Variants in FANCC observed in about 807,000 individuals in gnomAD.
The protein encoded by FANCC is FA complementation group C.
A neutral mutation model predicts 71.3 loss-of-function variants in FANCC; 55 were observed. The observed-to-expected ratio is 0.77, with a 90% CI of 0.62 to 0.97. The LOEUF (loss-of-function observed/expected upper bound fraction) is 0.97, where lower values mean the gene tolerates loss of function less well. Among genes scored for constraint, FANCC ranks in the 50% least tolerant of loss-of-function variants. FANCC has a pLI of 0.00. For missense variants in FANCC, 678 were observed against 670.9 expected (o/e 1.01, Z -0.12); for synonymous variants, 275 against 244.9 (o/e 1.12, Z -1.15).
chr9:95,219,584 A>G (rs941717933), intron 4 of FANCC, among the ~76,000 whole-genome samples: 2 of 152,144 alleles, frequency 1.3e-5, no homozygotes, highest in African/African-American at 4.8e-5. Flanking sequence ...AAAGAAATAC[A>G]GGTTTGACCT....
intron 7 of FANCC, among the ~76,000 whole-genome samples, chr9:95,139,885 T>G (rs1828365526): frequency 6.7e-6 from 1 of 148,164 alleles, no homozygotes; most frequent in African/African-American, 2.5e-5. Context: ...GTGGAAAATT[T>G]AAAGGGACAA....
At chr9:95,188,004 T>G (rs949292337) in intron 4 of FANCC, among the ~76,000 whole-genome samples, 2 of 152,200 alleles carry the variant, frequency 1.3e-5, no homozygotes, top group Non-Finnish European at 2.9e-5. Context: ...AGTGTCTTCA[T>G]GTAAATCGCC....
At chr9:95,252,553 T>G (rs1382342582) in intron 1 of FANCC, among the ~76,000 whole-genome samples, 1 of 151,704 alleles carries the variant, frequency 6.6e-6, no homozygotes, top group Non-Finnish European at 1.5e-5. Context: ...GAGACCATCC[T>G]GGCTAACACA....
chr9:95,126,786 G>A (rs1826048883), intron 8 of FANCC: 2 of 585,316 alleles, frequency 3.4e-6, no homozygotes, highest in Non-Finnish European at 6.2e-6. Flanking sequence ...GGGGTTACAG[G>A]CAGCTTATTC....
intron 1 of FANCC, among the ~76,000 whole-genome samples, chr9:95,259,363 G>C (rs557314478): frequency 6.6e-6 from 1 of 152,264 alleles, no homozygotes; most frequent in South Asian, 2.1e-4. Context: ...CAATGGAACA[G>C]AACAGAGGCC....
chr9:95,212,554 G>A (rs577192337), intron 4 of FANCC, among the ~76,000 whole-genome samples: 15 of 152,206 alleles, frequency 9.9e-5, no homozygotes, highest in African/African-American at 3.6e-4. Context: ...AACCAAAGCT[G>A]AGAAAATTTG....
chr9:95,200,713 G>A (rs1194462449), intron 4 of FANCC, among the ~76,000 whole-genome samples: 3 of 152,244 alleles, frequency 2.0e-5, no homozygotes, highest in Non-Finnish European at 4.4e-5. Flanking sequence ...TTACAAAACA[G>A]CATTAAAATC....
intron 1 of FANCC, chr9:95,294,648 T>C: frequency 1.9e-6 from 3 of 1,586,132 alleles, no homozygotes; most frequent in Non-Finnish European, 2.6e-6. Context: ...CCATGAGTTC[T>C]GGGTTTGAAA....
intron 1 of FANCC, chr9:95,292,444 C>T: frequency 1.1e-5 from 13 of 1,176,222 alleles, no homozygotes; most frequent in Non-Finnish European, 1.2e-5. Context: ...GCCTCGGGCC[C>T]GTGGGTGCCC....
intron 14 of FANCC, among the ~76,000 whole-genome samples, chr9:95,102,424 G>A (rs1260857415): frequency 2.0e-5 from 3 of 152,226 alleles, no homozygotes; most frequent in South Asian, 2.1e-4. Context: ...GTGCCTGTAA[G>A]TATTTTCCTA....
chr9:95,237,497 G>A (rs1174429288), intron 4 of FANCC, among the ~76,000 whole-genome samples: 1 of 152,220 alleles, frequency 6.6e-6, no homozygotes, highest in Non-Finnish European at 1.5e-5. Flanking sequence ...AGTGTTTCTT[G>A]ATCCTTCTGC....
At chr9:95,172,880 C>G (rs529310174) in intron 4 of FANCC, among the ~76,000 whole-genome samples, 1 of 152,090 alleles carries the variant, frequency 6.6e-6, no homozygotes, top group Non-Finnish European at 1.5e-5. Context: ...AGGGAAGAGG[C>G]TTGGCTGTGC....
At chr9:95,268,423 TGCTGC>T (rs2136204335) in intron 1 of FANCC, among the ~76,000 whole-genome samples, 1 of 152,374 alleles carries the variant, frequency 6.6e-6, no homozygotes, top group African/African-American at 2.4e-5. Flanking sequence ...TACTACTAGC[TGCTGC>T]ATGAACTCGA....
Position 95,151,956 on chromosome 9 carries a change from A to T in FANCC, c.522-1869T>A, listed in dbSNP as rs530087144. ...AAAAAAAAAACAAAAAACAAAAAAC[A>T]AAACAAAAAAAAACTGCCTTGCAAA... On this transcript the variant is annotated intron_variant, in intron 6 of 14. Transcript: ENST00000289081. 4.6e-5 allele frequency among the ~76,000 whole-genome samples: 7 copies of T among 151,976 alleles called. No homozygotes were observed. In the South Asian group the frequency reaches 1.5e-3, roughly 32 times the overall value.
rs577438853 is a variant in FANCC, at chr9:95,220,958, G to A, written c.345+19691C>T. Among the ~76,000 whole-genome samples the A allele has an allele frequency of 1.3e-4, 20 of 152,200 alleles. 1 individual carries two copies. Among genetic ancestry groups the A allele is most frequent in the African/African-American group, 4.3e-4 (18 of 41,542 alleles). On this transcript the variant is annotated intron_variant, in intron 4 of 14. Coordinates refer to ENST00000289081, the MANE Select transcript of FANCC (RefSeq NM_000136.3). ...TTTTAAAAAACTGTCTGGGCCGGGC[G>A]TGGTGGCTCATTCCTGTAATCCCAG...
chr9:95,118,666 T>C (rs1331680045), intron 10 of FANCC, among the ~76,000 whole-genome samples: 3 of 152,222 alleles, frequency 2.0e-5, no homozygotes, highest in Non-Finnish European at 4.4e-5. Context: ...GAACATAAAG[T>C]ATGTTTTCTT....
intron 7 of FANCC, among the ~76,000 whole-genome samples, chr9:95,139,017 CTT>C (rs979311461): frequency 1.6e-4 from 25 of 152,204 alleles, no homozygotes; most frequent in African/African-American, 6.0e-4. Flanking sequence ...TGACTTAACT[CTT>C]TGTAATCACC....
At chr9:95,258,094 C>T (rs1314538278) in intron 1 of FANCC, among the ~76,000 whole-genome samples, 2 of 152,088 alleles carry the variant, frequency 1.3e-5, no homozygotes, top group East Asian at 1.9e-4. Flanking sequence ...GATTCACAGC[C>T]GAATTCTACC....
At chr9:95,294,166 C>T in intron 1 of FANCC, 3 of 1,604,696 alleles carry the variant, frequency 1.9e-6, no homozygotes, top group Non-Finnish European at 2.6e-6. Flanking sequence ...ATTGGATCAT[C>T]ATAGTCTTTT....
Sources: allele counts gnomAD v4.1 joint callset (sites outside exome capture counted in the v4.1 genomes callset), GRCh38; gene constraint gnomAD v4.1.1; transcripts MANE v1.5; gene names NCBI Gene and HGNC (gene_info 2026-07-23, HGNC 2026-07-21).